Variants in KIF5B observed in about 807,000 individuals in gnomAD.
KIF5B encodes kinesin-1 heavy chain.
A neutral mutation model predicts 132.8 loss-of-function variants in KIF5B; 49 were observed. That is an observed-to-expected ratio of 0.37 (90% CI 0.29 to 0.47). The LOEUF (loss-of-function observed/expected upper bound fraction) is 0.47. KIF5B is among the 20% of genes least tolerant of loss of function. The pLI, the probability that KIF5B is intolerant of heterozygous loss-of-function variation, is 1.00. For missense variants in KIF5B, 780 were observed against 1,144.0 expected (o/e 0.68, Z 4.59); for synonymous variants, 355 against 369.4 (o/e 0.96, Z 0.45).
chr10:32,022,161 G>A lies in KIF5B; in HGVS notation c.2011C>T (p.Leu671=), dbSNP rs749858001. Residue 671 remains leucine (L), a synonymous_variant, in exon 17 of 26, where the codon CTA becomes TTA. Coordinates refer to ENST00000302418, the MANE Select transcript of KIF5B (RefSeq NM_004521.3). ...EESVDALSEE[L]VQLRAQEKVH... is the part of the protein sequence containing the mutation. Reference sequence around the variant, plus strand: ...ATACCTTGTGCTCGAAGCTGGACTAGTTCTTCACTGAGGGCATCGACAGAT... The same window carrying A: ...ATACCTTGTGCTCGAAGCTGGACTAATTCTTCACTGAGGGCATCGACAGAT... 2 of 1,601,916 alleles carry A rather than the reference G, an allele frequency of 1.2e-6. No homozygotes were observed. Among genetic ancestry groups the A allele is most frequent in the African/African-American group, 1.3e-5 (1 of 74,758 alleles).
intron 1 of KIF5B, among the ~76,000 whole-genome samples, chr10:32,050,532 G>A (rs930063106): frequency 6.6e-6 from 1 of 152,180 alleles, no homozygotes; most frequent in African/African-American, 2.4e-5. Context: ...AGCTAAGGAC[G>A]ACAAAGTATA....
rs1386078823 is a variant in KIF5B, at chr10:32,022,979, T to G, written c.1783A>C (p.Ser595Arg). 6.2e-7 allele frequency: 1 copy of G among 1,613,356 alleles called. No individual in the cohort carries two copies. The highest frequency in any genetic ancestry group is 1.7e-5 in the Admixed American group (1 of 60,020). ...GTTTTTACTTCTGACTTCATTTTGC[T>G]AATGTAGAGTCTTGCAACAGTGAAC... ...EEFTVARLYI[S>R]KMKSEVKTMV... is the part of the protein sequence containing the mutation. The change falls in exon 16 of 26, where the codon AGC (serine) becomes CGC (arginine). Residue 595 changes from serine to arginine, a missense_variant. Transcript: ENST00000302418.
chr10:32,017,650 G>A (rs1448692860), intron 23 of KIF5B, among the ~76,000 whole-genome samples: 1 of 152,108 alleles, frequency 6.6e-6, no homozygotes, highest in Non-Finnish European at 1.5e-5. Context: ...TCTTCAGTAA[G>A]ACAACTAATC....
intron 25 of KIF5B, among the ~76,000 whole-genome samples, chr10:32,011,871 G>A (rs1841086654): frequency 1.3e-5 from 2 of 151,888 alleles, no homozygotes; most frequent in Middle Eastern, 3.4e-3. Flanking sequence ...AGTGGTCAGT[G>A]ACCTTCTTAA....
chr10:32,040,536 A>G, intron 2 of KIF5B, 79 bp from the exon 3 acceptor site: 2 of 805,962 alleles, frequency 2.5e-6, no homozygotes, highest in Non-Finnish European at 4.3e-6. Context: ...CTACAGGATG[A>G]CAGGGTAGAG....
At chr10:32,017,786 C>T (rs561190143) in intron 23 of KIF5B, among the ~76,000 whole-genome samples, 2 of 152,182 alleles carry the variant, frequency 1.3e-5, no homozygotes, top group South Asian at 4.2e-4. Context: ...TTCAAAATTA[C>T]CATGAATAAA....
At chr10:32,036,262 A>T (rs1274900716) in intron 8 of KIF5B, among the ~76,000 whole-genome samples, 4 of 152,222 alleles carry the variant, frequency 2.6e-5, no homozygotes, top group Non-Finnish European at 4.4e-5. Context: ...TTAATCTGTT[A>T]GTCCCCTTTG....
intron 14 of KIF5B, among the ~76,000 whole-genome samples, chr10:32,029,953 G>A (rs1007985716): frequency 1.3e-5 from 2 of 152,126 alleles, no homozygotes; most frequent in African/African-American, 4.8e-5. Flanking sequence ...GAACTCATAG[G>A]GGCAGGAAAC....
intron 17 of KIF5B, among the ~76,000 whole-genome samples, chr10:32,021,639 T>C (rs1319509142): frequency 2.0e-5 from 3 of 151,852 alleles, no homozygotes; most frequent in African/African-American, 4.8e-5. Context: ...AATCCCCAGA[T>C]TGGCTATTTC....
At position 32,040,417 on chromosome 10, in the gene KIF5B, T is replaced by C. The variant is rs767965849; in HGVS notation, c.255A>G (p.Gly85=). The C allele has an allele frequency of 1.2e-5, 19 of 1,601,236 alleles. No homozygotes were observed. Among genetic ancestry groups the C allele is most frequent in the East Asian group, 6.7e-5 (3 of 44,744 alleles). The part of the protein sequence containing the change: ...EGYNGTIFAY[G]QTSSGKTHTM... ...TGTGTGTCTTCCCAGAGGATGTTTG[T>C]CCATATGCAAATATTGTTCCATTAT... Residue 85 remains glycine (G), a synonymous_variant, in exon 3 of 26, where the codon GGA becomes GGG. Coordinates refer to ENST00000302418, the MANE Select transcript of KIF5B (RefSeq NM_004521.3).
At position 32,055,848 on chromosome 10, in the gene KIF5B, C is replaced by A; in HGVS notation, c.126G>T (p.Ala42=). 1 of 1,611,668 alleles carries A rather than the reference C, an allele frequency of 6.2e-7. No homozygotes were observed. The highest frequency in any genetic ancestry group is 1.1e-5 in the South Asian group (1 of 91,042). ...KFQGEDTVVI[A]SKPYAFDRVF... ...AGGGATGCCGGCGGGGGTCACTCAC[C>A]GCGATCACGACCGTGTCTTCTCCCT... is the stretch of plus-strand genomic sequence containing the variant. Residue 42 remains alanine, a splice_region_variant and synonymous_variant, in exon 1 of 26, where the codon GCG becomes GCT. Transcript: ENST00000302418.
chr10:32,029,806 G>A (rs1592445067), intron 14 of KIF5B, among the ~76,000 whole-genome samples: 1 of 152,176 alleles, frequency 6.6e-6, no homozygotes, highest in African/African-American at 2.4e-5. Context: ...AAAAACTCCT[G>A]TTATTCTTTC....
intron 1 of KIF5B, among the ~76,000 whole-genome samples, chr10:32,049,789 G>A (rs2132616886): frequency 6.6e-6 from 1 of 152,138 alleles, no homozygotes; most frequent in East Asian, 1.9e-4. Flanking sequence ...TTTCAAGGAG[G>A]GAGTGATTAT....
chr10:32,031,850 T>A (rs1340918342), intron 13 of KIF5B, among the ~76,000 whole-genome samples: 16 of 147,406 alleles, frequency 1.1e-4, no homozygotes, highest in African/African-American at 2.0e-4. Flanking sequence ...TACCAAAAAA[T>A]TAGCCAGGCG....
Position 32,034,743 on chromosome 10 carries a change from A to G in KIF5B, c.1058T>C (p.Ile353Thr), listed in dbSNP as rs771050706. 13 of 1,609,248 alleles carry G rather than the reference A, an allele frequency of 8.1e-6. No homozygotes were observed. In the Admixed American group the frequency reaches 1.0e-4, roughly 13 times the overall value. The change falls in exon 11 of 26, where the codon ATC (isoleucine) becomes ACC (threonine). Residue 353 changes from isoleucine (I) to threonine (T), a missense_variant. By Grantham distance (89) the Ile-to-Thr change is moderately conservative. Coordinates refer to ENST00000302418, the MANE Select transcript of KIF5B (RefSeq NM_004521.3). ...AAGCCACTGAATAGTGTTCCGCAGG[A>G]TCTTATTTTTTTCTTTTTCTTTTTC... ...KYEKEKEKNK[I>T]LRNTIQWLEN...
intron 1 of KIF5B, among the ~76,000 whole-genome samples, chr10:32,053,630 A>C (rs540345602): frequency 6.6e-6 from 1 of 151,968 alleles, no homozygotes; most frequent in African/African-American, 2.4e-5. Flanking sequence ...CGGCTGAGGC[A>C]GGAGAATCGT....
intron 13 of KIF5B, among the ~76,000 whole-genome samples, chr10:32,032,297 A>T (rs554470886): frequency 1.1e-4 from 17 of 152,304 alleles, no homozygotes; most frequent in African/African-American, 4.1e-4. Context: ...GCTATAGTTG[A>T]AAGATGATCT....
chr10:32,036,105 A>T (rs1564468136), intron 8 of KIF5B, 111 bp from the exon 9 acceptor site: 1 of 600,162 alleles, frequency 1.7e-6, no homozygotes, highest in Non-Finnish European at 2.6e-6. Context: ...AAAAAAGAAC[A>T]TGAAAAGCTT....
Position 32,044,995 on chromosome 10 carries a change from C to T in KIF5B, c.214+3469G>A, listed in dbSNP as rs925050607. Among the ~76,000 whole-genome samples, 29 of 152,134 alleles carry T rather than the reference C, an allele frequency of 1.9e-4. 1 individual carries two copies. The highest frequency in any genetic ancestry group is 1.4e-3 in the Admixed American group (21 of 15,274). On this transcript the variant is annotated intron_variant, in intron 2 of 25. Transcript: ENST00000302418. Reference sequence around the variant, plus strand: ...AAGAAGAGAAATTTCAGGAAGCAAACGATTTCATCTTAGAACTGCAAATAG... The same window carrying T: ...AAGAAGAGAAATTTCAGGAAGCAAATGATTTCATCTTAGAACTGCAAATAG...
Sources: allele counts gnomAD v4.1 joint callset (sites outside exome capture counted in the v4.1 genomes callset), GRCh38; gene constraint gnomAD v4.1.1; transcripts MANE v1.5; gene names NCBI Gene and HGNC (gene_info 2026-07-23, HGNC 2026-07-21).